The following DOP1B variants were observed in gnomAD, a reference collection of about 807,000 sequenced individuals.
DOP1B encodes DOP1 leucine zipper like protein B, also known as protein DOP1B.
Under a neutral mutation model 233.5 loss-of-function variants are expected in DOP1B, and 174 were observed. The ratio of observed to expected loss-of-function variants is 0.75; its 90% CI spans 0.66 to 0.85. The LOEUF (loss-of-function observed/expected upper bound fraction) is 0.85, where lower values mean the gene tolerates loss of function less well. Ranked by LOEUF, DOP1B falls within the 40% of genes least tolerant of loss-of-function variation. The pLI, the probability that DOP1B is intolerant of heterozygous loss-of-function variation, is 0.00. For missense variants in DOP1B, 2,652 were observed against 2,846.6 expected (o/e 0.93, Z 1.56); for synonymous variants, 1,190 against 1,185.6 (o/e 1.00, Z -0.08).
chr21:36,213,604 A>G (rs1346457410), intron 7 of DOP1B, among the ~76,000 whole-genome samples: 1 of 151,120 alleles, frequency 6.6e-6, no homozygotes, highest in African/African-American at 2.4e-5. Flanking sequence ...CAGCCTGGCC[A>G]ACATGCTGAA....
At chr21:36,209,374 G>A (rs1469422115) in intron 5 of DOP1B, among the ~76,000 whole-genome samples, 6 of 152,176 alleles carry the variant, frequency 3.9e-5, no homozygotes, top group Admixed American at 3.3e-4. Flanking sequence ...TCCACCCACC[G>A]CGGCCTCCCA....
At chr21:36,164,915 G>A (rs143478500) in intron 2 of DOP1B, 44 bp downstream of exon 2, 64 of 1,406,944 alleles carry the variant, frequency 4.5e-5, no homozygotes, top group Non-Finnish European at 5.8e-5. Context: ...AGGTGGGGAC[G>A]TAATTGTCTT....
chr21:36,214,211 A>G, intron 8 of DOP1B, 21 bp downstream of exon 8: 1 of 1,579,870 alleles, frequency 6.3e-7, no homozygotes, highest in African/African-American at 1.4e-5. Context: ...ATTTCCGGAA[A>G]GTTCAGGGTA....
chr21:36,203,512 G>A (rs1048608791), intron 4 of DOP1B, among the ~76,000 whole-genome samples: 2 of 152,166 alleles, frequency 1.3e-5, no homozygotes, highest in African/African-American at 4.8e-5. Flanking sequence ...AGGTTGCAGT[G>A]AGCCAAGATC....
intron 2 of DOP1B, among the ~76,000 whole-genome samples, chr21:36,188,291 G>A (rs1385745405): frequency 6.6e-6 from 1 of 152,202 alleles, no homozygotes; most frequent in African/African-American, 2.4e-5. Context: ...AACAAAAACT[G>A]GTCTCACTGG....
At chr21:36,198,921 T>C (rs1356403724) in intron 2 of DOP1B, 149 bp from the exon 3 acceptor site, 1 of 783,422 alleles carries the variant, frequency 1.3e-6, no homozygotes, top group Non-Finnish European at 2.0e-6. Context: ...ACTCTCGCCA[T>C]GCAGTCCCTC....
At chr21:36,164,974 C>T in intron 2 of DOP1B, 103 bp downstream of exon 2, 1 of 1,013,690 alleles carries the variant, frequency 9.9e-7, no homozygotes, top group Non-Finnish European at 1.3e-6. Flanking sequence ...ATTTTATAAT[C>T]TTTATATCAT....
At chr21:36,226,191 A>G (rs950859375) in intron 12 of DOP1B, among the ~76,000 whole-genome samples, 4 of 152,186 alleles carry the variant, frequency 2.6e-5, no homozygotes, top group African/African-American at 9.7e-5. Flanking sequence ...AGATTGGAGC[A>G]TTGCTTGAGC....
intron 4 of DOP1B, among the ~76,000 whole-genome samples, chr21:36,207,926 AC>A (rs1224764705): frequency 6.6e-6 from 1 of 152,226 alleles, no homozygotes; most frequent in Non-Finnish European, 1.5e-5. Flanking sequence ...ACACCACCGA[AC>A]AGACATGGGC....
rs766490082 is a variant in DOP1B, at chr21:36,231,100, C to T, written c.2316C>T (p.Thr772=). ...TFPVYLSEEE[T]EQLCATLFQL... is the part of the protein sequence containing the mutation. ...CTGTCTACCTGTCCGAGGAAGAGACCGAGCAGCTCTGTGCAACGCTCTTCC... is the reference window on the plus strand; with the variant it reads ...CTGTCTACCTGTCCGAGGAAGAGACTGAGCAGCTCTGTGCAACGCTCTTCC... The change falls in exon 14 of 37, where the codon ACC becomes ACT. Residue 772 remains threonine (T), a synonymous_variant. Coordinates refer to ENST00000691173, the MANE Select transcript of DOP1B (RefSeq NM_001320714.2). The T allele has an allele frequency of 3.1e-6, 5 of 1,607,424 alleles. No homozygotes were observed. Among genetic ancestry groups the T allele is most frequent in the South Asian group, 1.1e-5 (1 of 90,040 alleles).
rs2066217194 is a variant in DOP1B at position 36,190,291 on chromosome 21, C to T, written c.139-8779C>T. Reference sequence around the variant, plus strand: ...AGTGAGCCGAGATTGCACCACTGCACTCCAGTGTTGGGGGACAGAGTGAGA... The same window carrying T: ...AGTGAGCCGAGATTGCACCACTGCATTCCAGTGTTGGGGGACAGAGTGAGA... On this transcript the variant is annotated intron_variant, in intron 2 of 36. Transcript: ENST00000691173. Among the ~76,000 whole-genome samples, 3 of 151,910 alleles carry T rather than the reference C, an allele frequency of 2.0e-5. No individual in the cohort carries two copies. The South Asian group carries it at 6.2e-4, about 32-fold the overall frequency.
intron 32 of DOP1B, among the ~76,000 whole-genome samples, chr21:36,284,673 C>T (rs1007330305): frequency 2.0e-5 from 3 of 151,922 alleles, no homozygotes; most frequent in African/African-American, 7.3e-5. Context: ...ACCAAAAAAA[C>T]AAAAAGATAG....
chr21:36,210,662 A>G (rs559435123), intron 5 of DOP1B, among the ~76,000 whole-genome samples: 1 of 152,032 alleles, frequency 6.6e-6, no homozygotes, highest in African/African-American at 2.4e-5. Context: ...AACAAAAAAA[A>G]TTAGCAGAGC....
chr21:36,263,699 A>T (rs767342942), intron 25 of DOP1B, 49 bp downstream of exon 25: 4 of 1,613,406 alleles, frequency 2.5e-6, no homozygotes, highest in Non-Finnish European at 3.4e-6. Context: ...CTTGGCACAT[A>T]TTTTATTTCT....
At chr21:36,220,522 T>C (rs996612113) in intron 10 of DOP1B, among the ~76,000 whole-genome samples, 4 of 152,130 alleles carry the variant, frequency 2.6e-5, no homozygotes, top group Non-Finnish European at 5.9e-5. Flanking sequence ...TTTGTTTGTT[T>C]GGTTTTGAGA....
intron 31 of DOP1B, 57 bp from the exon 32 acceptor site, chr21:36,281,426 C>A: frequency 6.6e-7 from 1 of 1,506,350 alleles, no homozygotes; most frequent in African/African-American, 1.4e-5. Flanking sequence ...AATTTCCCAT[C>A]ACTTCCCTCC....
intron 32 of DOP1B, among the ~76,000 whole-genome samples, chr21:36,281,990 A>C (rs2067422175): frequency 6.6e-6 from 1 of 152,088 alleles, no homozygotes. Flanking sequence ...ACACAGATAG[A>C]CCCATGAGGG....
At chr21:36,225,821 G>A (rs768417736) in intron 12 of DOP1B, among the ~76,000 whole-genome samples, 154 bp downstream of exon 12, 5 of 152,174 alleles carry the variant, frequency 3.3e-5, no homozygotes, top group Non-Finnish European at 7.3e-5. Flanking sequence ...AGATATAGCT[G>A]GATGTAATCT....
chr21:36,185,619 T>G (rs1450995671), intron 2 of DOP1B, among the ~76,000 whole-genome samples: 1 of 152,086 alleles, frequency 6.6e-6, no homozygotes, highest in Admixed American at 6.6e-5. Flanking sequence ...CACTCCAGGG[T>G]TGAGGGCAAC....
Sources: allele counts gnomAD v4.1 joint callset (sites outside exome capture counted in the v4.1 genomes callset), GRCh38; gene constraint gnomAD v4.1.1; transcripts MANE v1.5; gene names NCBI Gene and HGNC (gene_info 2026-07-23, HGNC 2026-07-21).